PLPPR3: variants seen among roughly 807,000 people sequenced by gnomAD.
The protein encoded by PLPPR3 is phospholipid phosphatase related 3, also known as phospholipid phosphatase-related protein type 3.
Under a neutral mutation model 27.3 loss-of-function variants are expected in PLPPR3, and 14 were observed. That is an observed-to-expected ratio of 0.51 (90% CI 0.34 to 0.80). The LOEUF is 0.80. Ranked by LOEUF, PLPPR3 falls within the 30% of genes least tolerant of loss-of-function variation. The pLI, the probability that PLPPR3 is intolerant of heterozygous loss-of-function variation, is 0.01. For synonymous variants in PLPPR3, 671 were observed against 508.0 expected, an observed-to-expected ratio of 1.32 and a Z score of -4.32; for missense variants, 1,287 against 1,056.9, an observed-to-expected ratio of 1.22 and a Z score of -3.02.
At position 813,870 on chromosome 19, in the gene PLPPR3, T is replaced by C; in HGVS notation, c.857A>G (p.Gln286Arg). The change falls in exon 8 of 8, where the codon CAG becomes CGG. Residue 286 changes from glutamine (Q) to arginine (R), a missense_variant. Coordinates refer to ENST00000520876, the MANE Select transcript of PLPPR3 (RefSeq NM_001270366.2). The surrounding 1 kb of genome is among the most constrained non-coding windows in gnomAD (Gnocchi z 4.1). ...CGCGGGCTTCTCTGCAGGTGGGGCC[T>C]GGAAGTTGCCCACCGCGTGGCAGGC... ...YLACHAVGNF[Q>R]APPAEKPAAP... is the part of the protein sequence containing the mutation. 1 of 1,442,748 alleles carries C rather than the reference T, an allele frequency of 6.9e-7. No individual in the cohort carries two copies. Among genetic ancestry groups the C allele is most frequent in the Non-Finnish European group, 9.0e-7 (1 of 1,105,096 alleles). 89.4% of individuals were successfully genotyped at this position (1,442,748 alleles called of 1,614,324 possible).
Position 813,136 on chromosome 19 carries a change from C to G in PLPPR3, c.1591G>C (p.Ala531Pro), listed in dbSNP as rs754445049. 2.0e-6 allele frequency: 3 copies of G among 1,511,576 alleles called. No individual in the cohort carries two copies. Among genetic ancestry groups the G allele is most frequent in the South Asian group, 1.2e-5 (1 of 81,280 alleles). The allele number at this position is 1,511,576 out of a possible 1,614,324, so 93.6% of individuals were successfully genotyped here. ...ACCTGCAGCAGCCGCGGAGGGTTGG[C>G]CACTGCCGCCCCGCTCTTCTCGGCC... is the stretch of plus-strand genomic sequence containing the variant. ...MMAEKSGAAVANPPRLLQVIA... is the reference protein window; with the variant it reads ...MMAEKSGAAVPNPPRLLQVIA... The change falls in exon 8 of 8, where the codon GCC (alanine) becomes CCC (proline). Residue 531 changes from alanine to proline, a missense_variant. Transcript: ENST00000520876. The surrounding 1 kb of genome is among the most constrained non-coding windows in gnomAD (Gnocchi z 4.1).
chr19:814,304 A>AC lies in PLPPR3; in HGVS notation c.831+129dup, dbSNP rs919641253. The AC allele has an allele frequency of 1.9e-5, 15 of 801,866 alleles. No individual in the cohort carries two copies. The African/African-American group carries it at 2.5e-4, about 13-fold the overall frequency. The allele number at this position is 801,866 out of a possible 1,614,324, so 49.7% of individuals were successfully genotyped here. A position where few individuals can be genotyped will look rare whatever the true frequency, so the allele number is the denominator to read the frequency against. ...TCAGGCTACCAGCCTCCCCTGTCAG[A>AC]CCCCCTGAGCCTGCCTCCCACCTCA... On this transcript the variant is annotated intron_variant, in intron 7 of 7. Transcript: ENST00000520876.
chr19:814,508 T>C lies in PLPPR3; in HGVS notation c.757A>G (p.Ile253Val), dbSNP rs781782757. The C allele has an allele frequency of 1.2e-6, 2 of 1,611,084 alleles. No homozygotes were observed. Among genetic ancestry groups the C allele is most frequent in the African/African-American group, 1.3e-5 (1 of 74,926 alleles). ...ACAGGGTGGCTGCGGTACTGCGTGATCTGCGTGAGCCCGCATACGCCCGCG... is the reference window on the plus strand; with the variant it reads ...ACAGGGTGGCTGCGGTACTGCGTGACCTGCGTGAGCCCGCATACGCCCGCG... ...IAAGVCGLTQ[I>V]TQYRSHPVDV... is the part of the protein sequence containing the mutation. Residue 253 changes from isoleucine (I) to valine (V), a missense_variant, in exon 7 of 8, where the codon ATC becomes GTC. Physicochemically the swap from Ile to Val is conservative, Grantham distance 29. Coordinates refer to ENST00000520876, the MANE Select transcript of PLPPR3 (RefSeq NM_001270366.2).
At position 815,042 on chromosome 19, in the gene PLPPR3, G is replaced by A. The variant is rs750065764; in HGVS notation, c.443C>T (p.Thr148Met). Residue 148 changes from threonine (T) to methionine (M), a missense_variant, in exon 5 of 8, where the codon ACG becomes ATG. By Grantham distance (81) the Thr-to-Met change is moderately conservative. Transcript: ENST00000520876. ...VFGLCATALV[T>M]DVIQLATGYH... The stretch of plus-strand genomic sequence containing the variant: ...ACCCGTGGCCAGCTGGATCACGTCC[G>A]TCACCAGGGCTGTGGCACACAGGCC... 10 of 1,608,948 alleles carry A rather than the reference G, an allele frequency of 6.2e-6. No homozygotes were observed. The highest frequency in any genetic ancestry group is 1.7e-4 in the Middle Eastern group (1 of 6,060).
At chr19:819,942 A>G (rs1245912379) in intron 2 of PLPPR3, among the ~76,000 whole-genome samples, 1 of 151,912 alleles carries the variant, frequency 6.6e-6, no homozygotes, top group African/African-American at 2.4e-5. Context: ...CCTGGGCTCA[A>G]GTCATCCTCC....
At chr19:820,680 C>T (rs542300632) in intron 2 of PLPPR3, among the ~76,000 whole-genome samples, 7 of 152,260 alleles carry the variant, frequency 4.6e-5, no homozygotes, top group African/African-American at 1.4e-4. Flanking sequence ...CCAACATACC[C>T]GGCTAATTTT....
chr19:817,367 G>T (rs934583555), intron 2 of PLPPR3, among the ~76,000 whole-genome samples: 2 of 152,072 alleles, frequency 1.3e-5, no homozygotes, highest in African/African-American at 4.8e-5. Context: ...TCCGCCTCCA[G>T]GTTCAAGAGA....
rs758264400 is a variant in PLPPR3 at position 814,960 on chromosome 19, C to T, written c.525G>A (p.Thr175=). The T allele has an allele frequency of 5.6e-6, 9 of 1,612,440 alleles. No homozygotes were observed. The highest frequency in any genetic ancestry group is 2.2e-5 in the South Asian group (2 of 91,092). The change falls in exon 5 of 8, where the codon ACG becomes ACA. Residue 175 remains threonine (T), a synonymous_variant. Coordinates refer to ENST00000520876, the MANE Select transcript of PLPPR3 (RefSeq NM_001270366.2). ...VCKPNYTLLG[T]SCEVNPYITQ... The stretch of plus-strand genomic sequence containing the variant: ...TGATGTAGGGGTTGACCTCGCAGGA[C>T]GTGCCCAGGAGAGTGTAGTTGGGCT...
At chr19:821,958 G>T (rs2035155591), upstream of PLPPR3, 2 of 160,936 alleles carry the variant, frequency 1.2e-5, no homozygotes, top group African/African-American at 4.8e-5. Flanking sequence ...TCCTCCGTGG[G>T]GCGGGGCCGG....
intron 3 of PLPPR3, 35 bp downstream of exon 3, chr19:815,631 C>T (rs1442793629): frequency 6.5e-7 from 1 of 1,545,208 alleles, no homozygotes. Context: ...CCGTGGTGCC[C>T]ACAGGCTGGC....
rs752779255 is a variant in PLPPR3, at chr19:813,740, T to C, written c.987A>G (p.Pro329=). ...GCCGGGGCGCGCCCTCCAGCCGCCC[T>C]GGGGGCCCCAGCTCGTCGGTGCTCA... ...KSVSTDELGP[P]GRLEGAPRPV... Residue 329 remains proline (P), a synonymous_variant, in exon 8 of 8, where the codon CCA becomes CCG. Coordinates refer to ENST00000520876, the MANE Select transcript of PLPPR3 (RefSeq NM_001270366.2). This position sits in a 1 kb window ranked among gnomAD's most constrained non-coding sequence, Gnocchi z 4.1. 2.0e-6 allele frequency: 3 copies of C among 1,525,640 alleles called. No homozygotes were observed. The South Asian group carries it at 3.6e-5, about 18-fold the overall frequency. 94.5% of individuals were successfully genotyped at this position (1,525,640 alleles called of 1,614,324 possible). A position where few individuals can be genotyped will look rare whatever the true frequency, so the allele number is the denominator to read the frequency against.
Position 813,511 on chromosome 19 carries a change from G to C in PLPPR3, c.1216C>G (p.Gln406Glu). Reference sequence around the variant, plus strand: ...TTCTGCTTCCACTCGCTGATGAGCTGCTTGGAGCGCGAGGCGTCCAGCGGC... The same window carrying C: ...TTCTGCTTCCACTCGCTGATGAGCTCCTTGGAGCGCGAGGCGTCCAGCGGC... Reference protein sequence around the residue: ...HVPLDASRSKQLISEWKQKSL... With the variant: ...HVPLDASRSKELISEWKQKSL... The change falls in exon 8 of 8, where the codon CAG becomes GAG. Residue 406 changes from glutamine to glutamate, a missense_variant. Gln to Glu is a conservative substitution (Grantham distance 29, BLOSUM62 2). Transcript: ENST00000520876. The surrounding 1 kb of genome is among the most constrained non-coding windows in gnomAD (Gnocchi z 4.1). 16 of 1,557,166 alleles carry C rather than the reference G, an allele frequency of 1.0e-5. No homozygotes were observed. Among genetic ancestry groups the C allele is most frequent in the Non-Finnish European group, 1.4e-5 (16 of 1,154,308 alleles).
Position 813,353 on chromosome 19 carries a change from CTCCTCTTCCTCCTCCTCCTCT to C in PLPPR3, c.1353_1373del (p.Glu453_Glu459del), listed in dbSNP as rs1276534791. On this transcript the variant is annotated inframe_deletion, in exon 8 of 8. Coordinates refer to ENST00000520876, the MANE Select transcript of PLPPR3 (RefSeq NM_001270366.2). This position sits in a 1 kb window ranked among gnomAD's most constrained non-coding sequence, Gnocchi z 4.1. ...AGGGCGGGGCCGGGCCCTCGTCCTC[CTCCTCTTCCTCCTCCTCCTCT>C]TCCTCTTCGTCCTCCTCCTCTTCCT... 2 of 1,481,496 alleles carry C rather than the reference CTCCTCTTCCTCCTCCTCCTCT, an allele frequency of 1.3e-6. No homozygotes were observed. The highest frequency in any genetic ancestry group is 1.8e-6 in the Non-Finnish European group (2 of 1,123,868). The allele number at this position is 1,481,496 out of a possible 1,614,324, so 91.8% of individuals were successfully genotyped here.
rs1300905394 is a variant in PLPPR3 at position 813,689 on chromosome 19, C to T, written c.1038G>A (p.Leu346=). 2.6e-6 allele frequency: 4 copies of T among 1,531,010 alleles called. No individual in the cohort carries two copies. Among genetic ancestry groups the T allele is most frequent in the South Asian group, 2.4e-5 (2 of 83,690 alleles). The allele number at this position is 1,531,010 out of a possible 1,614,324, so 94.8% of individuals were successfully genotyped here. A position where few individuals can be genotyped will look rare whatever the true frequency, so the allele number is the denominator to read the frequency against. The change falls in exon 8 of 8, where the codon CTG becomes CTA. Residue 346 remains leucine (L), a synonymous_variant. Transcript: ENST00000520876. This position sits in a 1 kb window ranked among gnomAD's most constrained non-coding sequence, Gnocchi z 4.1. ...PRPVAREKTS[L]GSLKRASVDV... ...CCACGCTGGCGCGCTTCAGGCTGCC[C>T]AGCGAGGTCTTCTCGCGGGCCACGG... is the stretch of plus-strand genomic sequence containing the variant.
At chr19:815,139 C>T (rs371623178) in intron 4 of PLPPR3, 47 bp downstream of exon 4, 2 of 1,600,992 alleles carry the variant, frequency 1.2e-6, no homozygotes, top group Non-Finnish European at 1.7e-6. Flanking sequence ...AGCCCCACCC[C>T]CTGCATGTGG....
At position 812,537 on chromosome 19, in the gene PLPPR3, GCCCGCCC is replaced by G. The variant is rs1355316843; in HGVS notation, c.*26_*32del. ...ATCCGCGCGGCCGCCCGCGCCCTCG[GCCCGCCC>G]CCCGCCCGCCCCCGGCCCCGCCGCG... On this transcript the variant is annotated 3_prime_UTR_variant, in exon 8 of 8. Transcript: ENST00000520876. 20 of 965,702 alleles carry G rather than the reference GCCCGCCC, an allele frequency of 2.1e-5. 1 individual carries two copies. The highest frequency in any genetic ancestry group is 1.0e-3 in the Middle Eastern group (2 of 1,924). The allele number at this position is 965,702 out of a possible 1,614,324, so 59.8% of individuals were successfully genotyped here.
At chr19:815,967 C>T (rs186262241) in intron 2 of PLPPR3, 116 bp from the exon 3 acceptor site, 566 of 986,282 alleles carry the variant, frequency 5.7e-4, no homozygotes, top group Admixed American at 1.2e-3. Context: ...AGATCCAACC[C>T]GCTCCCAGCC....
intron 2 of PLPPR3, 78 bp from the exon 3 acceptor site, chr19:815,929 C>G: frequency 6.9e-7 from 1 of 1,444,210 alleles, no homozygotes; most frequent in Non-Finnish European, 9.4e-7. Flanking sequence ...GAATTCAGGG[C>G]CATCCACCGT....
intron 2 of PLPPR3, 42 bp downstream of exon 2, chr19:821,443 A>T: frequency 6.7e-7 from 1 of 1,487,106 alleles, no homozygotes; most frequent in East Asian, 2.9e-5. Context: ...GGCGGGCGGA[A>T]CCGAGGCGTC....
Sources: allele counts gnomAD v4.1 joint callset (sites outside exome capture counted in the v4.1 genomes callset), GRCh38; gene constraint gnomAD v4.1.1; non-coding constraint Gnocchi (gnomAD v3.1); transcripts MANE v1.5; gene names NCBI Gene and HGNC (gene_info 2026-07-23, HGNC 2026-07-21).